Variants in ANKRD45 observed in about 807,000 individuals in gnomAD.
The protein encoded by ANKRD45 is ankyrin repeat domain-containing protein 45.
ANKRD45 carries 21 observed loss-of-function variants against 28.1 expected under a neutral mutation model. The ratio of observed to expected loss-of-function variants is 0.75; its 90% CI spans 0.53 to 1.08. ANKRD45 has a LOEUF of 1.08. Ranked by LOEUF, ANKRD45 falls within the 50% of genes least tolerant of loss-of-function variation. ANKRD45 has a pLI of 0.00. For synonymous variants in ANKRD45, 86 were observed against 103.9 expected, an observed-to-expected ratio of 0.83 and a Z score of 1.05; for missense variants, 261 against 308.7, an observed-to-expected ratio of 0.85 and a Z score of 1.16.
chr1:173,638,849 A>T (rs1264164900), intron 3 of ANKRD45, among the ~76,000 whole-genome samples: 2 of 152,196 alleles, frequency 1.3e-5, no homozygotes, highest in Non-Finnish European at 2.9e-5. Context: ...ACCCAAATTT[A>T]AAAAACACTC....
the ANKRD45 span, among the ~76,000 whole-genome samples, chr1:173,682,720 C>CACACACACACAT: frequency 4.4e-4 from 66 of 150,682 alleles, no homozygotes; most frequent in Non-Finnish European, 8.1e-4. Context: ...CACACACACA[C>CACACACACACAT]ACATCTTGGA....
upstream of ANKRD45, among the ~76,000 whole-genome samples, chr1:173,670,904 G>A (rs1670227111): frequency 2.0e-5 from 3 of 152,190 alleles, no homozygotes; most frequent in African/African-American, 7.2e-5. Flanking sequence ...ATGAAGAACA[G>A]CAAAAGAGAC....
the ANKRD45 span, among the ~76,000 whole-genome samples, chr1:173,699,349 G>T: frequency 2.0e-5 from 3 of 152,080 alleles, no homozygotes; most frequent in Non-Finnish European, 4.4e-5. Flanking sequence ...TGATACCAAA[G>T]TCTGGCAGAG....
chr1:173,698,389 T>TCCAC, the ANKRD45 span, among the ~76,000 whole-genome samples: 1,192 of 151,814 alleles, frequency 7.9e-3, 10 homozygotes, highest in African/African-American at 0.028. Flanking sequence ...CACCACATTG[T>TCCAC]ACTTATTCCA....
intron 3 of ANKRD45, among the ~76,000 whole-genome samples, chr1:173,637,413 G>C (rs1178042317): frequency 6.6e-6 from 1 of 152,168 alleles, no homozygotes; most frequent in Non-Finnish European, 1.5e-5. Flanking sequence ...TCTGTTCTTA[G>C]CTCCCACATT....
intron 5 of ANKRD45, among the ~76,000 whole-genome samples, chr1:173,614,152 G>A (rs1350011127): frequency 1.3e-5 from 2 of 152,122 alleles, no homozygotes; most frequent in East Asian, 1.9e-4. Flanking sequence ...AGGGTCCTCT[G>A]CCTAGGAAAA....
At chr1:173,665,806 C>A (rs369475386) in intron 1 of ANKRD45, among the ~76,000 whole-genome samples, 2 of 151,856 alleles carry the variant, frequency 1.3e-5, no homozygotes, top group African/African-American at 4.8e-5. Context: ...TTCAGGAGTT[C>A]GAGACCAGCT....
chr1:173,686,432 G>C, the ANKRD45 span, among the ~76,000 whole-genome samples: 1 of 152,120 alleles, frequency 6.6e-6, no homozygotes, highest in Non-Finnish European at 1.5e-5. Flanking sequence ...TCCCCTTCCT[G>C]CTGTACGAAC....
intron 3 of ANKRD45, among the ~76,000 whole-genome samples, chr1:173,643,269 G>T (rs966337927): frequency 6.6e-6 from 1 of 150,620 alleles, no homozygotes; most frequent in Non-Finnish European, 1.5e-5. Flanking sequence ...TGCCACCCTG[G>T]TTCAAGCGAT....
At chr1:173,664,211 T>C (rs1350681419) in intron 1 of ANKRD45, among the ~76,000 whole-genome samples, 2 of 152,226 alleles carry the variant, frequency 1.3e-5, no homozygotes, top group Non-Finnish European at 2.9e-5. Flanking sequence ...TCCCAATGTA[T>C]GCAGGACATT....
At chr1:173,672,476 T>A (rs1299438818), upstream of ANKRD45, among the ~76,000 whole-genome samples, 1 of 152,252 alleles carries the variant, frequency 6.6e-6, no homozygotes, top group Admixed American at 6.5e-5. Context: ...TGTTTTTCAT[T>A]AATCTTCAGG....
chr1:173,683,774 TTATA>T, the ANKRD45 span, among the ~76,000 whole-genome samples: 1 of 152,186 alleles, frequency 6.6e-6, no homozygotes, highest in Non-Finnish European at 1.5e-5. Flanking sequence ...CAGGGCGGTG[TTATA>T]TATAAAGTTT....
rs543739975 is a variant in ANKRD45 at position 173,637,197 on chromosome 1, T to A, written c.496+9649A>T. ...GCCTGGGTTGAAATGTTACTTCCCA[T>A]TCAATTAAAAAAGAACCCGGACTTA... On this transcript the variant is annotated intron_variant, in intron 3 of 5. Transcript: ENST00000333279. 14 of 572,532 alleles carry A rather than the reference T, an allele frequency of 2.4e-5. No homozygotes were observed. The South Asian group carries it at 2.7e-4, about 11-fold the overall frequency. 35.5% of individuals were successfully genotyped at this position (572,532 alleles called of 1,614,324 possible).
chr1:173,624,546 CTGA>C (rs1444149552), intron 5 of ANKRD45, among the ~76,000 whole-genome samples: 1 of 151,024 alleles, frequency 6.6e-6, no homozygotes, highest in Non-Finnish European at 1.5e-5. Context: ...AATTTAATGA[CTGA>C]TGATGGTAAT....
the ANKRD45 span, among the ~76,000 whole-genome samples, chr1:173,701,965 A>G: frequency 4.8e-3 from 738 of 152,322 alleles, 6 homozygotes; most frequent in African/African-American, 0.015. Flanking sequence ...TAGAAATTCA[A>G]CAGGCAAAGG....
chr1:173,684,111 C>A, the ANKRD45 span, among the ~76,000 whole-genome samples: 1 of 151,838 alleles, frequency 6.6e-6, no homozygotes, highest in Admixed American at 6.6e-5. Context: ...AGCAGCTGAT[C>A]GGAATGAGTT....
chr1:173,620,596 G>A (rs189924612), intron 5 of ANKRD45, among the ~76,000 whole-genome samples: 1 of 152,284 alleles, frequency 6.6e-6, no homozygotes, highest in African/African-American at 2.4e-5. Context: ...TCTGGGGACT[G>A]TTGTGGGTTG....
chr1:173,686,340 G>A, the ANKRD45 span, among the ~76,000 whole-genome samples: 40 of 152,316 alleles, frequency 2.6e-4, no homozygotes, highest in Non-Finnish European at 5.0e-4. Flanking sequence ...CTTAGCTTTA[G>A]TTTGGTAGGG....
At chr1:173,648,608 C>T (rs184889832) in intron 2 of ANKRD45, among the ~76,000 whole-genome samples, 1 of 152,262 alleles carries the variant, frequency 6.6e-6, no homozygotes, top group Admixed American at 6.5e-5. Flanking sequence ...GGAATCCCCT[C>T]TCTAAATAAG....
Sources: gnomAD v4.1 joint callset for allele counts (sites outside exome capture counted in the v4.1 genomes callset) on GRCh38, gnomAD v4.1.1 for gene constraint, MANE v1.5 for transcripts, NCBI Gene and HGNC (gene_info 2026-07-23, HGNC 2026-07-21) for gene names.